COL19A1: variants seen among roughly 807,000 people sequenced by gnomAD.
The protein encoded by COL19A1 is collagen type XIX alpha 1 chain.
Under a neutral mutation model 190.2 loss-of-function variants are expected in COL19A1, and 159 were observed. The ratio of observed to expected loss-of-function variants is 0.84; its 90% confidence interval spans 0.73 to 0.95. The LOEUF is 0.95. Among genes scored for constraint, COL19A1 ranks in the 40% least tolerant of loss-of-function variants. The pLI is 0.00. For missense variants in COL19A1, 1,418 were observed against 1,431.9 expected, an observed-to-expected ratio of 0.99 and a Z score of 0.16; for synonymous variants, 509 against 458.9, an observed-to-expected ratio of 1.11 and a Z score of -1.39.
At chr6:69,986,742 C>A (rs1776337522) in intron 11 of COL19A1, among the ~76,000 whole-genome samples, 1 of 152,144 alleles carries the variant, frequency 6.6e-6, no homozygotes, top group African/African-American at 2.4e-5. Flanking sequence ...GTCTCCAGTG[C>A]CCAACTTGGT....
At chr6:70,116,993 G>A (rs1028183557) in intron 16 of COL19A1, among the ~76,000 whole-genome samples, 2 of 152,184 alleles carry the variant, frequency 1.3e-5, no homozygotes, top group Non-Finnish European at 2.9e-5. Flanking sequence ...GCATCTGGAT[G>A]GCTCAAGGAG....
chr6:70,205,190 C>G (rs1306934507), intron 49 of COL19A1, among the ~76,000 whole-genome samples: 1 of 152,072 alleles, frequency 6.6e-6, no homozygotes, highest in Non-Finnish European at 1.5e-5. Context: ...AACATATATT[C>G]TTTTTTCCAC....
intron 44 of COL19A1, among the ~76,000 whole-genome samples, chr6:70,183,672 G>C (rs802186): frequency 2.6e-5 from 4 of 152,032 alleles, no homozygotes; most frequent in African/African-American, 9.7e-5. Flanking sequence ...ATAATTCCCA[G>C]GATGTTTCAG....
intron 11 of COL19A1, among the ~76,000 whole-genome samples, chr6:69,995,393 T>G (rs1323746975): frequency 6.6e-6 from 1 of 152,202 alleles, no homozygotes; most frequent in Non-Finnish European, 1.5e-5. Flanking sequence ...AAAGAGAGTC[T>G]TGAATTTTAG....
chr6:70,086,784 A>C (rs535706164), intron 15 of COL19A1, among the ~76,000 whole-genome samples: 12 of 151,590 alleles, frequency 7.9e-5, no homozygotes, highest in Admixed American at 2.6e-4. Context: ...ACTTTTTCTC[A>C]TTAGTACAAA....
At chr6:70,186,039 A>G (rs950778024) in intron 46 of COL19A1, among the ~76,000 whole-genome samples, 2 of 152,158 alleles carry the variant, frequency 1.3e-5, no homozygotes, top group African/African-American at 4.8e-5. Context: ...TCCAAAAAGG[A>G]GCTTATGCTG....
chr6:69,927,057 A>T (rs1251256557), intron 4 of COL19A1, among the ~76,000 whole-genome samples: 3 of 152,068 alleles, frequency 2.0e-5, no homozygotes, highest in Admixed American at 1.3e-4. Flanking sequence ...ATTAAGGATT[A>T]AAAAAACCCA....
At chr6:70,065,480 T>C (rs959339100) in intron 14 of COL19A1, among the ~76,000 whole-genome samples, 1 of 152,148 alleles carries the variant, frequency 6.6e-6, no homozygotes, top group Non-Finnish European at 1.5e-5. Flanking sequence ...AAGACTTAAA[T>C]GTTAGACCTA....
chr6:70,103,572 C>T (rs370749242), intron 16 of COL19A1, among the ~76,000 whole-genome samples: 2 of 152,314 alleles, frequency 1.3e-5, no homozygotes, highest in African/African-American at 4.8e-5. Context: ...CTCCTCTATG[C>T]CCTTCCTTCT....
intron 11 of COL19A1, among the ~76,000 whole-genome samples, chr6:70,004,711 C>T (rs1329054358): frequency 6.6e-6 from 1 of 152,186 alleles, no homozygotes; most frequent in African/African-American, 2.4e-5. Flanking sequence ...TGCTTTTCAG[C>T]TCCATCAGGT....
At chr6:70,045,498 A>C (rs550120607) in intron 14 of COL19A1, among the ~76,000 whole-genome samples, 65 of 152,020 alleles carry the variant, frequency 4.3e-4, no homozygotes, top group Admixed American at 3.6e-3. Context: ...TCTGAATTCC[A>C]TTTTTTCTGA....
intron 41 of COL19A1, among the ~76,000 whole-genome samples, chr6:70,175,179 T>C (rs1272247449): frequency 6.6e-6 from 1 of 152,208 alleles, no homozygotes; most frequent in African/African-American, 2.4e-5. Context: ...TTTTTGATGA[T>C]GGCTATGCTC....
chr6:69,909,291 G>T (rs763128718), intron 4 of COL19A1, among the ~76,000 whole-genome samples: 26 of 152,124 alleles, frequency 1.7e-4, no homozygotes, highest in Non-Finnish European at 3.1e-4. Flanking sequence ...TAAAGAGTTT[G>T]CAGAAAGAGG....
intron 14 of COL19A1, among the ~76,000 whole-genome samples, chr6:70,039,760 G>GTT (rs61548544): frequency 1.2e-4 from 17 of 139,790 alleles, no homozygotes; most frequent in African/African-American, 2.4e-4. Context: ...GGGAAGTATT[G>GTT]TTTTTTTTTT....
At chr6:69,990,530 C>T (rs1191864884) in intron 11 of COL19A1, among the ~76,000 whole-genome samples, 1 of 151,904 alleles carries the variant, frequency 6.6e-6, no homozygotes, top group East Asian at 1.9e-4. Flanking sequence ...TTTTCCTCCC[C>T]CTCTCTGTCA....
In COL19A1 at chr6:70,188,253, G is replaced by A. The variant is rs757560243; in HGVS notation, c.3027+8G>A. ...GGCATCCCTGGCATTCCGGTAAGTAGTGCTAAGACGCTTTAGGGCTCCTGG... is the reference window on the plus strand; with the variant it reads ...GGCATCCCTGGCATTCCGGTAAGTAATGCTAAGACGCTTTAGGGCTCCTGG... On this transcript the variant is annotated splice_region_variant and intron_variant, in intron 47 of 50. Coordinates refer to ENST00000620364, the MANE Select transcript of COL19A1 (RefSeq NM_001858.6). 6 of 1,597,706 alleles carry A rather than the reference G, an allele frequency of 3.8e-6. No homozygotes were observed. In the South Asian group the frequency reaches 6.9e-5, roughly 18 times the overall value.
intron 11 of COL19A1, among the ~76,000 whole-genome samples, chr6:69,972,168 T>C (rs1775466153): frequency 6.6e-6 from 1 of 152,194 alleles, no homozygotes; most frequent in South Asian, 2.1e-4. Flanking sequence ...TTCATTTAGC[T>C]TCCCTCTATC....
intron 15 of COL19A1, among the ~76,000 whole-genome samples, chr6:70,072,538 C>G (rs1344176762): frequency 6.6e-6 from 1 of 152,154 alleles, no homozygotes; most frequent in South Asian, 2.1e-4. Context: ...TAACTTACCC[C>G]TCTATCCTGC....
At chr6:70,133,875 C>T (rs1785669456) in intron 18 of COL19A1, among the ~76,000 whole-genome samples, 1 of 152,158 alleles carries the variant, frequency 6.6e-6, no homozygotes, top group Non-Finnish European at 1.5e-5. Context: ...GATTTCCTTC[C>T]AGCCCAATGT....
Sources: gnomAD v4.1 joint callset for allele counts (sites outside exome capture counted in the v4.1 genomes callset) on GRCh38, gnomAD v4.1.1 for gene constraint, MANE v1.5 for transcripts, NCBI Gene and HGNC (gene_info 2026-07-23, HGNC 2026-07-21) for gene names.